TMEM40: variants seen among roughly 807,000 people sequenced by gnomAD.
TMEM40 encodes the protein transmembrane protein 40.
In TMEM40, 34 loss-of-function variants were observed where a neutral mutation model predicts 40.8. The observed-to-expected ratio is 0.83, with a 90% CI of 0.63 to 1.11. TMEM40 has a LOEUF of 1.11. TMEM40 is among the 50% of genes least tolerant of loss of function. The pLI is 0.00. For missense variants in TMEM40, 296 were observed against 280.2 expected, an observed-to-expected ratio of 1.06 and a Z score of -0.40; for synonymous variants, 106 against 107.0, an observed-to-expected ratio of 0.99 and a Z score of 0.06.
intron 1 of TMEM40, among the ~76,000 whole-genome samples, chr3:12,768,064 T>G (rs958390622): frequency 1.8e-4 from 27 of 152,104 alleles, no homozygotes; most frequent in African/African-American, 6.0e-4. Flanking sequence ...GTGTTACAGT[T>G]CTTAAAGGCG....
At chr3:12,738,302 T>C (rs1575730607) in intron 6 of TMEM40, 134 bp from the exon 7 acceptor site, 1 of 1,074,724 alleles carries the variant, frequency 9.3e-7, no homozygotes, top group East Asian at 2.6e-5. Flanking sequence ...GGTATCCTTC[T>C]CTCTATTGAT....
intron 8 of TMEM40, among the ~76,000 whole-genome samples, chr3:12,737,151 A>G (rs2061343617): frequency 6.7e-6 from 1 of 150,046 alleles, no homozygotes; most frequent in Non-Finnish European, 1.5e-5. Flanking sequence ...AAGTATTGGG[A>G]TTACAGCTGT....
chr3:12,760,633 T>C (rs759756342), upstream of TMEM40, among the ~76,000 whole-genome samples: 45 of 152,232 alleles, frequency 3.0e-4, no homozygotes, highest in Non-Finnish European at 3.8e-4. Context: ...CTCTGCCTGC[T>C]TCACTGCTCA....
intron 4 of TMEM40, among the ~76,000 whole-genome samples, chr3:12,743,117 T>C (rs896051146): frequency 6.6e-6 from 1 of 152,232 alleles, no homozygotes; most frequent in Admixed American, 6.5e-5. Context: ...TGCTCTTTCC[T>C]TCTTATGAAA....
intron 1 of TMEM40, among the ~76,000 whole-genome samples, chr3:12,766,594 C>CA (rs57274225): frequency 0.018 from 1,713 of 94,826 alleles, 25 homozygotes; most frequent in African/African-American, 0.043. Flanking sequence ...GACTCCATCT[C>CA]AAAAAAAAAA....
At position 12,754,360 on chromosome 3, in the gene TMEM40, A is replaced by G. The variant is rs574973842; in HGVS notation, c.-8-4520T>C. Among the ~76,000 whole-genome samples, 12 of 152,308 alleles carry G rather than the reference A, an allele frequency of 7.9e-5. No homozygotes were observed. In the South Asian group the frequency reaches 1.9e-3, roughly 24 times the overall value. ...AAAACAAAATAATGGCTGTACAGAAAGAGGATGGTTGGACTCTGGGTGGAG... is the reference window on the plus strand; with the variant it reads ...AAAACAAAATAATGGCTGTACAGAAGGAGGATGGTTGGACTCTGGGTGGAG... On this transcript the variant is annotated intron_variant, in intron 1 of 11. Coordinates refer to ENST00000314124, the MANE Select transcript of TMEM40 (RefSeq NM_018306.4).
At position 12,737,726 on chromosome 3, in the gene TMEM40, T is replaced by C. The variant is rs1224575860; in HGVS notation, c.453A>G (p.Arg151=). 4.3e-6 allele frequency: 7 copies of C among 1,613,994 alleles called. No individual in the cohort carries two copies. The Admixed American group carries it at 5.0e-5, about 12-fold the overall frequency. ...CCTTACCATCTTTCTTTATATTCAG[T>C]CTTCTTAACTGAGAGGCCTCCACTT... ...SGEVEASQLR[R]LNIKKDDEFF... The change falls in exon 8 of 12, where the codon AGA becomes AGG. Residue 151 remains arginine (R), a synonymous_variant. Transcript: ENST00000314124.
At chr3:12,750,389 G>A (rs1575739767) in intron 1 of TMEM40, among the ~76,000 whole-genome samples, 2 of 152,096 alleles carry the variant, frequency 1.3e-5, no homozygotes, top group East Asian at 1.9e-4. Context: ...CCTGGGCCCC[G>A]GCCGGCCTCA....
At chr3:12,755,201 T>TTCTTTCTCTCTCTC (rs1436167989) in intron 1 of TMEM40, among the ~76,000 whole-genome samples, 1 of 84,824 alleles carries the variant, frequency 1.2e-5, no homozygotes, top group African/African-American at 6.7e-5. Context: ...CTTCCTTCCT[T>TTCTTTCTCTCTCTC]TCTTTCTTTC....
At chr3:12,737,983 G>C (rs921666426) in intron 7 of TMEM40, 153 bp downstream of exon 7, 58 of 1,076,180 alleles carry the variant, frequency 5.4e-5, no homozygotes, top group Non-Finnish European at 7.9e-5. Flanking sequence ...CATTTCCCCT[G>C]CACTGGAGAT....
chr3:12,759,789 T>C (rs528243530), upstream of TMEM40, among the ~76,000 whole-genome samples: 10 of 152,204 alleles, frequency 6.6e-5, no homozygotes, highest in African/African-American at 1.2e-4. Flanking sequence ...GAGCACCCAC[T>C]CGCCTTGTGC....
At chr3:12,749,890 T>C in intron 1 of TMEM40, 50 bp from the exon 2 acceptor site, 1 of 1,505,288 alleles carries the variant, frequency 6.6e-7, no homozygotes, top group East Asian at 2.3e-5. Flanking sequence ...GTTAATATCT[T>C]AATATACAAA....
At chr3:12,745,484 T>C (rs1477418168) in intron 3 of TMEM40, among the ~76,000 whole-genome samples, 1 of 152,224 alleles carries the variant, frequency 6.6e-6, no homozygotes. Context: ...GGTCTCACTC[T>C]GTCATCAAGG....
At chr3:12,760,773 G>T (rs117729100), upstream of TMEM40, among the ~76,000 whole-genome samples, 5 of 149,108 alleles carry the variant, frequency 3.4e-5, no homozygotes, top group African/African-American at 7.5e-5. Context: ...TCAGGGTCTC[G>T]CTCTGTTGCC....
At chr3:12,750,659 T>C (rs763696312) in intron 1 of TMEM40, among the ~76,000 whole-genome samples, 25 of 151,954 alleles carry the variant, frequency 1.6e-4, no homozygotes, top group Non-Finnish European at 3.2e-4. Context: ...TATCACCCAG[T>C]CTAGTCTTGA....
At chr3:12,747,458 A>G (rs2061438169) in intron 3 of TMEM40, among the ~76,000 whole-genome samples, 2 of 152,348 alleles carry the variant, frequency 1.3e-5, no homozygotes, top group Middle Eastern at 3.4e-3. Context: ...GAGTTATTAC[A>G]TGCAAGTGCT....
At chr3:12,754,076 G>C (rs1231410265) in intron 1 of TMEM40, among the ~76,000 whole-genome samples, 2 of 152,214 alleles carry the variant, frequency 1.3e-5, no homozygotes, top group East Asian at 1.9e-4. Context: ...ACGGGGCAAG[G>C]CTGGCTCTTT....
chr3:12,765,869 TTTC>T (rs1346494468), intron 1 of TMEM40, among the ~76,000 whole-genome samples: 1 of 151,776 alleles, frequency 6.6e-6, no homozygotes, highest in African/African-American at 2.4e-5. Flanking sequence ...AGCCTCTTTC[TTTC>T]TGAGACATGG....
At chr3:12,754,183 G>A (rs921444996) in intron 1 of TMEM40, among the ~76,000 whole-genome samples, 1 of 152,120 alleles carries the variant, frequency 6.6e-6, no homozygotes, top group Admixed American at 6.6e-5. Context: ...ATGGTGGCGG[G>A]CACCTGTAGT....
Sources: gnomAD v4.1 joint callset for allele counts (sites outside exome capture counted in the v4.1 genomes callset) on GRCh38, gnomAD v4.1.1 for gene constraint, MANE v1.5 for transcripts, NCBI Gene and HGNC (gene_info 2026-07-23, HGNC 2026-07-21) for gene names.